WDR17: variants seen among roughly 807,000 people sequenced by gnomAD.
WDR17 encodes WD repeat-containing protein 17.
Under a neutral mutation model 161.7 loss-of-function variants are expected in WDR17, and 143 were observed. The ratio of observed to expected loss-of-function variants is 0.88; its 90% CI spans 0.77 to 1.02. WDR17 has a LOEUF of 1.02. Among genes scored for constraint, WDR17 ranks in the 50% least tolerant of loss-of-function variants. The pLI is 0.00. For missense variants in WDR17, 1,469 were observed against 1,520.9 expected (o/e 0.97, Z 0.57); for synonymous variants, 517 against 515.6 (o/e 1.00, Z -0.04).
chr4:176,158,787 A>T (rs2126841091), intron 18 of WDR17, among the ~76,000 whole-genome samples: 1 of 152,228 alleles, frequency 6.6e-6, no homozygotes, highest in East Asian at 1.9e-4. Flanking sequence ...CCAACTCCTG[A>T]TTTTCTCTGC....
intron 25 of WDR17, among the ~76,000 whole-genome samples, chr4:176,174,084 A>T (rs1751128099): frequency 6.6e-6 from 1 of 152,012 alleles, no homozygotes; most frequent in African/African-American, 2.4e-5. Context: ...CAAAATAGAC[A>T]TCATCCCTGG....
chr4:176,097,753 A>ACG (rs1454682544), intron 1 of WDR17, among the ~76,000 whole-genome samples: 2 of 150,986 alleles, frequency 1.3e-5, no homozygotes, highest in Non-Finnish European at 3.0e-5. Context: ...ACACACACAC[A>ACG]CACACACACA....
chr4:176,108,259 C>T (rs996587211), intron 1 of WDR17, among the ~76,000 whole-genome samples: 4 of 152,162 alleles, frequency 2.6e-5, no homozygotes, highest in African/African-American at 9.6e-5. Context: ...AATTAGCTAT[C>T]GAGCCATGAA....
intron 20 of WDR17, 125 bp downstream of exon 20, chr4:176,161,127 C>T: frequency 1.6e-6 from 1 of 631,248 alleles, no homozygotes; most frequent in Non-Finnish European, 2.6e-6. Flanking sequence ...CCGCATTCCT[C>T]ACCATGATCC....
Position 176,076,304 on chromosome 4 carries a change from A to G in WDR17, c.-7+10225A>G, listed in dbSNP as rs564328764. Among the ~76,000 whole-genome samples, 376 of 147,660 alleles carry G rather than the reference A, an allele frequency of 2.5e-3. 5 individuals carry two copies. Among genetic ancestry groups the G allele is most frequent in the African/African-American group, 8.9e-3 (357 of 39,918 alleles). On this transcript the variant is annotated intron_variant, in intron 1 of 28. Transcript: ENST00000508596. The stretch of plus-strand genomic sequence containing the variant: ...ATGTAAGCAAAATATGTGTATCTGT[A>G]TGTATATATTTAAGCAAAATATGTA...
At chr4:176,141,381 T>C (rs1371391694) in intron 10 of WDR17, among the ~76,000 whole-genome samples, 1 of 152,214 alleles carries the variant, frequency 6.6e-6, no homozygotes, top group East Asian at 1.9e-4. Flanking sequence ...ATGTTAATTA[T>C]ATGATTATGT....
At chr4:176,116,236 ATAATG>A (rs757248929) in intron 3 of WDR17, among the ~76,000 whole-genome samples, 41 of 151,872 alleles carry the variant, frequency 2.7e-4, no homozygotes, top group Admixed American at 2.3e-3. Flanking sequence ...ATGTTTAAAT[ATAATG>A]TAAGAATTTC....
In WDR17 at chr4:176,182,334, CAA is replaced by C. The variant is rs949416244; in HGVS notation, c.*2757_*2758del. ...TATATGATTTTTATGTCAATCAAGA[CAA>C]ATGAAATATATATGTATGTGTATAT... On this transcript the variant is annotated 3_prime_UTR_variant, in exon 29 of 29. Coordinates refer to ENST00000508596, the MANE Select transcript of WDR17 (RefSeq NM_181265.4). The surrounding 1 kb of genome is among the most constrained non-coding windows in gnomAD (Gnocchi z 4.2). The C allele has an allele frequency of 6.7e-6, 1 of 150,370 alleles. No homozygotes were observed. Among genetic ancestry groups the C allele is most frequent in the Non-Finnish European group, 1.5e-5 (1 of 67,616 alleles). 9.3% of individuals were successfully genotyped at this position (150,370 alleles called of 1,614,324 possible). A position where few individuals can be genotyped will look rare whatever the true frequency, so the allele number is the denominator to read the frequency against.
At chr4:176,095,616 C>G (rs1005168275) in intron 1 of WDR17, among the ~76,000 whole-genome samples, 1 of 152,040 alleles carries the variant, frequency 6.6e-6, no homozygotes, top group African/African-American at 2.4e-5. Context: ...TACCCTCCTT[C>G]CTTCGTTTCC....
At chr4:176,161,059 A>G (rs1748968163) in intron 20 of WDR17, 57 bp downstream of exon 20, 20 of 1,438,356 alleles carry the variant, frequency 1.4e-5, no homozygotes, top group Non-Finnish European at 1.8e-5. Flanking sequence ...CCCTTTAGGA[A>G]TTTTTGAAGT....
chr4:176,167,789 C>G (rs1750098783), intron 22 of WDR17, among the ~76,000 whole-genome samples: 1 of 151,150 alleles, frequency 6.6e-6, no homozygotes, highest in Admixed American at 6.6e-5. Context: ...TATAAATCTT[C>G]TAAGTACATA....
At chr4:176,100,693 CT>C (rs1423955376) in intron 1 of WDR17, among the ~76,000 whole-genome samples, 1 of 151,958 alleles carries the variant, frequency 6.6e-6, no homozygotes, top group Non-Finnish European at 1.5e-5. Context: ...CCTAGGTTTT[CT>C]TCTAGTATTT....
In WDR17 at chr4:176,125,189, C is replaced by T. The variant is rs1388641045; in HGVS notation, c.624C>T (p.Asp208=). Residue 208 remains aspartate (D), a synonymous_variant, in exon 5 of 29, where the codon GAC becomes GAT. Transcript: ENST00000508596. The stretch of plus-strand genomic sequence containing the variant: ...ATCCAGTTACGGCCTTGGAATGGGA[C>T]CCACTATCTACTGATTATCTTCTAG... ...EEDPVTALEW[D]PLSTDYLLVV... is the part of the protein sequence containing the mutation. 1.2e-6 allele frequency: 2 copies of T among 1,614,086 alleles called. No homozygotes were observed. The highest frequency in any genetic ancestry group is 1.7e-6 in the Non-Finnish European group (2 of 1,180,004).
intron 1 of WDR17, among the ~76,000 whole-genome samples, chr4:176,100,145 T>A (rs1324919675): frequency 6.6e-6 from 1 of 152,150 alleles, no homozygotes; most frequent in Non-Finnish European, 1.5e-5. Flanking sequence ...TTTTAGTTAT[T>A]TGTGAAATCT....
chr4:176,076,100 A>G (rs1158845713), intron 1 of WDR17, among the ~76,000 whole-genome samples: 3 of 151,798 alleles, frequency 2.0e-5, no homozygotes, highest in Non-Finnish European at 4.4e-5. Flanking sequence ...ACTTGTACAT[A>G]ATATTTTTAC....
chr4:176,112,129 A>G (rs927993250), intron 2 of WDR17, among the ~76,000 whole-genome samples: 2 of 152,222 alleles, frequency 1.3e-5, no homozygotes, highest in Non-Finnish European at 2.9e-5. Flanking sequence ...TGCCATAAGC[A>G]TGTTAAAATC....
rs1322935544 is a variant in WDR17, at chr4:176,093,588, T to A, written c.-6-17987T>A. On this transcript the variant is annotated intron_variant, in intron 1 of 28. Coordinates refer to ENST00000508596, the MANE Select transcript of WDR17 (RefSeq NM_181265.4). ...AATTTTCTGACTAAAATAAGTTAAA[T>A]GTGTGATTTTAATGAAATATCAATT... Among the ~76,000 whole-genome samples, 5 of 152,332 alleles carry A rather than the reference T, an allele frequency of 3.3e-5. No individual in the cohort carries two copies. The East Asian group carries it at 9.6e-4, about 29-fold the overall frequency.
At chr4:176,155,020 AT>A (rs1747842935) in intron 17 of WDR17, among the ~76,000 whole-genome samples, 1 of 152,176 alleles carries the variant, frequency 6.6e-6, no homozygotes, top group Non-Finnish European at 1.5e-5. Context: ...AGAAATGACA[AT>A]AAGTAAAATT....
intron 8 of WDR17, 56 bp downstream of exon 8, chr4:176,135,332 A>C (rs1440920183): frequency 6.4e-7 from 1 of 1,573,900 alleles, no homozygotes; most frequent in African/African-American, 1.4e-5. Flanking sequence ...TTAAAGTTTT[A>C]TTTTCATTTG....
Sources: gnomAD v4.1 joint callset for allele counts (sites outside exome capture counted in the v4.1 genomes callset) on GRCh38, gnomAD v4.1.1 for gene constraint, Gnocchi (gnomAD v3.1) non-coding constraint, MANE v1.5 for transcripts, NCBI Gene and HGNC (gene_info 2026-07-23, HGNC 2026-07-21) for gene names.